The following MPP7 variants were observed in gnomAD, a reference collection of about 807,000 sequenced individuals.
MPP7 encodes the protein MAGUK p55 subfamily member 7.
In MPP7, 60 loss-of-function variants were observed where a neutral mutation model predicts 76.5. That is an observed-to-expected ratio of 0.78 (90% CI 0.64 to 0.97). The LOEUF (loss-of-function observed/expected upper bound fraction) is 0.97, where lower values mean the gene tolerates loss of function less well. Among genes scored for constraint, MPP7 ranks in the 50% least tolerant of loss-of-function variants. The pLI is 0.00. For synonymous variants in MPP7, 237 were observed against 244.5 expected (o/e 0.97, Z 0.29); for missense variants, 641 against 694.0 (o/e 0.92, Z 0.86).
At chr10:28,092,156 T>A (rs1853337340) in intron 11 of MPP7, among the ~76,000 whole-genome samples, 1 of 152,226 alleles carries the variant, frequency 6.6e-6, no homozygotes, top group Non-Finnish European at 1.5e-5. Context: ...TAAAAATTGA[T>A]CAAGATATTA....
intron 11 of MPP7, among the ~76,000 whole-genome samples, chr10:28,090,569 A>G (rs2133452695): frequency 6.6e-6 from 1 of 152,372 alleles, no homozygotes; most frequent in Admixed American, 6.5e-5. Flanking sequence ...GAACATGAAC[A>G]AAGTTTCTAT....
chr10:28,054,997 A>T (rs1851502670), intron 16 of MPP7, among the ~76,000 whole-genome samples: 1 of 152,072 alleles, frequency 6.6e-6, no homozygotes, highest in Non-Finnish European at 1.5e-5. Context: ...CGTTCCTTCG[A>T]TGTCTCATTA....
At chr10:28,248,213 G>A (rs146154123) in intron 1 of MPP7, among the ~76,000 whole-genome samples, 1 of 152,106 alleles carries the variant, frequency 6.6e-6, no homozygotes, top group Non-Finnish European at 1.5e-5. Context: ...ACCCTGGAAT[G>A]AATCTATCTG....
intron 3 of MPP7, among the ~76,000 whole-genome samples, chr10:28,176,701 C>T (rs925556044): frequency 6.6e-6 from 1 of 152,028 alleles, no homozygotes; most frequent in African/African-American, 2.4e-5. Flanking sequence ...TGTGCAACTG[C>T]ACTCCAGCCT....
At chr10:28,089,882 C>CA in intron 11 of MPP7, 41 bp from the exon 12 acceptor site, 2 of 1,023,244 alleles carry the variant, frequency 2.0e-6, no homozygotes, top group Non-Finnish European at 1.4e-6. Flanking sequence ...TAACATCAAC[C>CA]AAAAAAGAAA....
chr10:28,087,398 T>G (rs1039206020), intron 12 of MPP7, among the ~76,000 whole-genome samples: 2 of 152,122 alleles, frequency 1.3e-5, no homozygotes, highest in Non-Finnish European at 2.9e-5. Context: ...TTTTTTTTTC[T>G]TTCTTTCTTT....
intron 1 of MPP7, among the ~76,000 whole-genome samples, chr10:28,279,591 G>A (rs868548865): frequency 9.9e-5 from 15 of 151,736 alleles, no homozygotes; most frequent in Middle Eastern, 3.2e-3. Flanking sequence ...TATAATCCCA[G>A]CAACTCAGGA....
chr10:28,111,657 A>C (rs1489170006), intron 11 of MPP7, among the ~76,000 whole-genome samples: 1 of 152,234 alleles, frequency 6.6e-6, no homozygotes, highest in East Asian at 1.9e-4. Context: ...GACAATTATC[A>C]ATGTTATATA....
intron 1 of MPP7, among the ~76,000 whole-genome samples, chr10:28,276,322 T>C (rs917794054): frequency 1.3e-5 from 2 of 152,078 alleles, no homozygotes; most frequent in African/African-American, 2.4e-5. Flanking sequence ...TGAGCCACCG[T>C]GCCTGGCCTT....
chr10:28,207,908 A>G (rs1838000919), intron 2 of MPP7, among the ~76,000 whole-genome samples: 1 of 152,154 alleles, frequency 6.6e-6, no homozygotes, highest in South Asian at 2.1e-4. Context: ...CTAGTGATTT[A>G]TCAAACCCTA....
intron 11 of MPP7, among the ~76,000 whole-genome samples, chr10:28,097,632 T>TTC (rs1185423090): frequency 6.6e-6 from 1 of 152,172 alleles, no homozygotes; most frequent in Admixed American, 6.6e-5. Flanking sequence ...TTTAGTTCAT[T>TTC]TCTATTACAT....
intron 3 of MPP7, among the ~76,000 whole-genome samples, chr10:28,190,785 A>G (rs1349352362): frequency 6.6e-6 from 1 of 152,080 alleles, no homozygotes; most frequent in Non-Finnish European, 1.5e-5. Context: ...AAAAGAAATC[A>G]GACAATAAGA....
At chr10:28,166,019 A>AG in intron 3 of MPP7, among the ~76,000 whole-genome samples, 1 of 87,536 alleles carries the variant, frequency 1.1e-5, no homozygotes, top group Non-Finnish European at 2.5e-5. Context: ...AGCAAGACTC[A>AG]TCTCAAAAAA....
rs528969275 is a variant in MPP7 at position 28,331,577 on chromosome 10, G to T, written c.-205-1575C>A. Among the ~76,000 whole-genome samples the T allele has an allele frequency of 1.3e-3, 190 of 151,928 alleles. 1 individual carries two copies. Among genetic ancestry groups the T allele is most frequent in the Non-Finnish European group, 6.9e-4 (47 of 67,940 alleles). ...TTTGTAGGGTTTTTAAAAATTATTA[G>T]TATTATTATTATTATTTGAGACAGA... On this transcript the variant is annotated intron_variant, in intron 1 of 11. Coordinates refer to the MPP7 transcript ENST00000441595.
chr10:28,132,027 C>T (rs560774518), intron 5 of MPP7, among the ~76,000 whole-genome samples: 45 of 151,668 alleles, frequency 3.0e-4, no homozygotes, highest in African/African-American at 6.8e-4. Flanking sequence ...GGCAAGAGTG[C>T]GGGGGATGTT....
At chr10:28,208,458 G>T (rs1284741791) in intron 2 of MPP7, among the ~76,000 whole-genome samples, 1 of 152,210 alleles carries the variant, frequency 6.6e-6, no homozygotes, top group Non-Finnish European at 1.5e-5. Context: ...GTGAGGCTAG[G>T]AAGTTGACCT....
chr10:28,277,585 G>A (rs1840542014), intron 1 of MPP7, among the ~76,000 whole-genome samples: 1 of 151,908 alleles, frequency 6.6e-6, no homozygotes, highest in Non-Finnish European at 1.5e-5. Flanking sequence ...AGCAACCTCA[G>A]AGCCTTTACA....
At chr10:28,250,178 T>C (rs887293629) in intron 1 of MPP7, among the ~76,000 whole-genome samples, 4 of 152,096 alleles carry the variant, frequency 2.6e-5, no homozygotes, top group Admixed American at 2.6e-4. Context: ...TCTCCTAACA[T>C]CCTTTGTTTT....
chr10:28,296,160 G>A (rs1841031182), intron 1 of MPP7, among the ~76,000 whole-genome samples: 1 of 152,120 alleles, frequency 6.6e-6, no homozygotes, highest in African/African-American at 2.4e-5. Context: ...GTCATCAAAG[G>A]TAAAGAAAAC....
Sources: allele counts gnomAD v4.1 joint callset (sites outside exome capture counted in the v4.1 genomes callset), GRCh38; gene constraint gnomAD v4.1.1; transcripts MANE v1.5; gene names NCBI Gene and HGNC (gene_info 2026-07-23, HGNC 2026-07-21).